CELSR1: variants seen among roughly 807,000 people sequenced by gnomAD.
The protein encoded by CELSR1 is adhesion G protein-coupled receptor C1.
CELSR1 carries 110 observed loss-of-function variants against 249.1 expected under a neutral mutation model. The observed-to-expected ratio is 0.44, with a 90% CI of 0.38 to 0.52. The LOEUF (loss-of-function observed/expected upper bound fraction) is 0.52. Ranked by LOEUF, CELSR1 falls within the 20% of genes least tolerant of loss-of-function variation. CELSR1 has a pLI of 0.00. For missense variants in CELSR1, 4,109 were observed against 4,296.4 expected (o/e 0.96, Z 1.22); for synonymous variants, 2,113 against 1,900.0 (o/e 1.11, Z -2.92).
At chr22:46,435,154 A>G (rs941474855) in intron 4 of CELSR1, among the ~76,000 whole-genome samples, 1 of 149,736 alleles carries the variant, frequency 6.7e-6, no homozygotes, top group African/African-American at 2.5e-5. Flanking sequence ...GTCTCGCTAT[A>G]TTGCCCAGGC....
Position 46,464,044 on chromosome 22 carries a change from C to T in CELSR1, c.3846G>A (p.Glu1282=). Residue 1282 remains glutamate (E), a synonymous_variant, in exon 2 of 35, where the codon GAG becomes GAA. Coordinates refer to ENST00000674500, the MANE Select transcript of CELSR1 (RefSeq NM_001378328.1). This position sits in a 1 kb window ranked among gnomAD's most constrained non-coding sequence, Gnocchi z 8.5. ...GQFFPSEDLQ[E]QIYLNRTLLT... Reference sequence around the variant, plus strand: ...GCAGCGTCCGATTCAGGTAGATCTGCTCCTGCAGGTCCTCCGACGGGAAGA... The same window carrying T: ...GCAGCGTCCGATTCAGGTAGATCTGTTCCTGCAGGTCCTCCGACGGGAAGA... 6.2e-7 allele frequency: 1 copy of T among 1,613,822 alleles called. No homozygotes were observed. The highest frequency in any genetic ancestry group is 1.1e-5 in the South Asian group (1 of 91,088).
intron 1 of CELSR1, among the ~76,000 whole-genome samples, chr22:46,489,057 C>A (rs925259732): frequency 6.6e-6 from 1 of 152,134 alleles, no homozygotes; most frequent in Non-Finnish European, 1.5e-5. Context: ...CATGGCAGGG[C>A]AGGGCCACCT....
rs531906734 is a variant in CELSR1 at position 46,490,249 on chromosome 22, A to G, written c.3545-25904T>C. ...TCATGAGACAGGAGCCAAAAGAGGG[A>G]TTCCCCAGGGTCACCTGGAGAGGTT... On this transcript the variant is annotated intron_variant, in intron 1 of 34. Transcript: ENST00000674500. This position sits in a 1 kb window ranked among gnomAD's most constrained non-coding sequence, Gnocchi z 5.2. Among the ~76,000 whole-genome samples, 3 of 152,122 alleles carry G rather than the reference A, an allele frequency of 2.0e-5. No homozygotes were observed. Among genetic ancestry groups the G allele is most frequent in the Non-Finnish European group, 4.4e-5 (3 of 68,020 alleles).
rs2080735292 is a variant in CELSR1 at position 46,526,032 on chromosome 22, T to C, written c.3544+7595A>G. On this transcript the variant is annotated intron_variant, in intron 1 of 34. Transcript: ENST00000674500. The surrounding 1 kb of genome is among the most constrained non-coding windows in gnomAD (Gnocchi z 4.7). The stretch of plus-strand genomic sequence containing the variant: ...TTTTAAAAATGGTCTCTCAACACCC[T>C]GGTCGGTACATGGGGCCAGACATAG... Among the ~76,000 whole-genome samples, 1 of 152,220 alleles carries C rather than the reference T, an allele frequency of 6.6e-6. No individual in the cohort carries two copies. The highest frequency in any genetic ancestry group is 1.5e-5 in the Non-Finnish European group (1 of 68,020).
At position 46,496,404 on chromosome 22, in the gene CELSR1, C is replaced by T. The variant is rs547615817; in HGVS notation, c.3545-32059G>A. 2.6e-5 allele frequency among the ~76,000 whole-genome samples: 4 copies of T among 152,100 alleles called. No individual in the cohort carries two copies. The East Asian group carries it at 7.7e-4, about 29-fold the overall frequency. On this transcript the variant is annotated intron_variant, in intron 1 of 34. Transcript: ENST00000674500. ...CCAACATGGTGAAACCCTGTCTCTA[C>T]TAAAAACACAAAAACTAGCCTGGTG...
chr22:46,365,092 C>T, intron 32 of CELSR1, 139 bp downstream of exon 32: 1 of 1,248,324 alleles, frequency 8.0e-7, no homozygotes, highest in Non-Finnish European at 1.1e-6. Flanking sequence ...ACCAGAGTCC[C>T]CCCACCCCAG....
chr22:46,394,928 T>C (rs1044929091), intron 13 of CELSR1, among the ~76,000 whole-genome samples: 1 of 152,122 alleles, frequency 6.6e-6, no homozygotes, highest in Admixed American at 6.5e-5. Flanking sequence ...TGCATGAGTC[T>C]CCCTACCTGT....
chr22:46,536,347 C>T lies in CELSR1; in HGVS notation c.824G>A (p.Gly275Asp), dbSNP rs554999434. ...GTAATAGCTCACGCGCTCCTCCTCG[C>T]CCTCGATGGTGTAGTGCGCGTGCAG... Reference protein sequence around the residue: ...LQLHAHYTIEGEEERVSYYME... With the variant: ...LQLHAHYTIEDEEERVSYYME... Residue 275 changes from glycine to aspartate, a missense_variant, in exon 1 of 35, where the codon GGC (glycine) becomes GAC (aspartate). Around this residue, in one of 7 missense-constraint regions of CELSR1, gnomAD observed 673 missense variants for 636.8 expected, o/e 1.06. Coordinates refer to ENST00000674500, the MANE Select transcript of CELSR1 (RefSeq NM_001378328.1). 2.1e-5 allele frequency: 34 copies of T among 1,612,716 alleles called. 2 individuals are homozygous for T. In the Admixed American group the frequency reaches 4.2e-4, roughly 20 times the overall value.
chr22:46,500,391 C>T lies in CELSR1; in HGVS notation c.3544+33236G>A, dbSNP rs546696158. On this transcript the variant is annotated intron_variant, in intron 1 of 34. Transcript: ENST00000674500. The surrounding 1 kb of genome is among the most constrained non-coding windows in gnomAD (Gnocchi z 4.9). ...CATGGCGCAGAGATCACATTTACAG[C>T]GGTGGCGGTAACCATGGAAACTGGC... Among the ~76,000 whole-genome samples, 16 of 152,298 alleles carry T rather than the reference C, an allele frequency of 1.1e-4. No individual in the cohort carries two copies. Among genetic ancestry groups the T allele is most frequent in the South Asian group, 4.1e-4 (2 of 4,828 alleles).
rs55932520 is a variant in CELSR1, at chr22:46,474,788, CTTTT to C, written c.3545-10447_3545-10444del. Among the ~76,000 whole-genome samples the C allele has an allele frequency of 8.9e-5, 8 of 89,636 alleles. No homozygotes were observed. The East Asian group carries it at 1.6e-3, about 18-fold the overall frequency. The allele number at this position is 89,636 out of a possible 152,430, so 58.8% of individuals were successfully genotyped here. ...GTGACCATTATTCTACTCTCTACTT[CTTTT>C]TTTTTTTTTTTTTTGAGACGGAGTC... is the stretch of plus-strand genomic sequence containing the variant. On this transcript the variant is annotated intron_variant, in intron 1 of 34. Coordinates refer to ENST00000674500, the MANE Select transcript of CELSR1 (RefSeq NM_001378328.1).
chr22:46,534,572 T>A lies in CELSR1; in HGVS notation c.2599A>T (p.Asn867Tyr). Residue 867 changes from asparagine (N) to tyrosine (Y), a missense_variant, in exon 1 of 35, where the codon AAC becomes TAC. Physicochemically the swap from Asn to Tyr is moderately radical, Grantham distance 143 (BLOSUM62 -2). Around this residue, in one of 7 missense-constraint regions of CELSR1, gnomAD observed 886 missense variants for 896.5 expected, o/e 0.99. Transcript: ENST00000674500. This position sits in a 1 kb window ranked among gnomAD's most constrained non-coding sequence, Gnocchi z 9.7. ...AYTLTIMAQD[N>Y]GIPQKSDTTT... ...GTGTCTGATTTCTGCGGGATGCCGT[T>A]GTCCTGGGCCATGATGGTCAGCGTG... 1 of 1,613,782 alleles carries A rather than the reference T, an allele frequency of 6.2e-7. No individual in the cohort carries two copies. The highest frequency in any genetic ancestry group is 8.5e-7 in the Non-Finnish European group (1 of 1,180,042).
rs2078961133 is a variant in CELSR1, at chr22:46,380,107, A to AC, written c.7256+680dup. ...CTGGCTCCCAGCAGACGGGAGCCAC[A>AC]CTGTGGTGCTGAATCCAGTCTCACG... On this transcript the variant is annotated intron_variant, in intron 22 of 34. Transcript: ENST00000674500. This position sits in a 1 kb window ranked among gnomAD's most constrained non-coding sequence, Gnocchi z 5.1. Among the ~76,000 whole-genome samples, 3 of 152,318 alleles carry AC rather than the reference A, an allele frequency of 2.0e-5. No individual in the cohort carries two copies. The South Asian group carries it at 6.2e-4, about 32-fold the overall frequency.
At chr22:46,385,326 G>A (rs999236896) in intron 19 of CELSR1, among the ~76,000 whole-genome samples, 8 of 151,934 alleles carry the variant, frequency 5.3e-5, no homozygotes. Flanking sequence ...CGAACTCCTG[G>A]GCTCAAGCAA....
At chr22:46,424,354 C>A (rs1245989414) in intron 5 of CELSR1, among the ~76,000 whole-genome samples, 1 of 152,154 alleles carries the variant, frequency 6.6e-6, no homozygotes, top group Non-Finnish European at 1.5e-5. Flanking sequence ...GCTGGGGTTA[C>A]AGGCGTGAGC....
rs960440670 is a variant in CELSR1, at chr22:46,517,891, C to T, written c.3544+15736G>A. On this transcript the variant is annotated intron_variant, in intron 1 of 34. Coordinates refer to ENST00000674500, the MANE Select transcript of CELSR1 (RefSeq NM_001378328.1). This position sits in a 1 kb window ranked among gnomAD's most constrained non-coding sequence, Gnocchi z 5.4. ...TATTCTGTTTATTACACACCTCCCA[C>T]GGTGTCCCCTTCCTTTTTTTTTTTT... 7.3e-6 allele frequency among the ~76,000 whole-genome samples: 1 copy of T among 137,198 alleles called. No individual in the cohort carries two copies. Among genetic ancestry groups the T allele is most frequent in the Non-Finnish European group, 1.5e-5 (1 of 64,980 alleles). 90.0% of individuals were successfully genotyped at this position (137,198 alleles called of 152,430 possible).
rs183118036 is a variant in CELSR1 at position 46,455,283 on chromosome 22, G to A, written c.4183+8424C>T. Among the ~76,000 whole-genome samples the A allele has an allele frequency of 2.5e-3, 385 of 152,308 alleles. 2 individuals are homozygous for A. The highest frequency in any genetic ancestry group is 4.1e-3 in the Admixed American group (62 of 15,298). On this transcript the variant is annotated intron_variant, in intron 2 of 34. Coordinates refer to ENST00000674500, the MANE Select transcript of CELSR1 (RefSeq NM_001378328.1). ...CTCGCTCTGTCGCCCAGGCTGGAGT[G>A]CAGTGGCGCCATCTCGGCTCACTGT... is the stretch of plus-strand genomic sequence containing the variant.
chr22:46,485,394 T>C (rs540713811), intron 1 of CELSR1, among the ~76,000 whole-genome samples: 1 of 152,208 alleles, frequency 6.6e-6, no homozygotes, highest in Non-Finnish European at 1.5e-5. Context: ...TCCCTGAGGC[T>C]AATGAGCTGG....
chr22:46,510,757 A>G (rs372019793), intron 1 of CELSR1, among the ~76,000 whole-genome samples: 75 of 152,304 alleles, frequency 4.9e-4, no homozygotes, highest in African/African-American at 1.6e-3. Flanking sequence ...AACAAACCAA[A>G]AATATTCCTA....
At chr22:46,392,285 T>C (rs2079101777) in intron 14 of CELSR1, among the ~76,000 whole-genome samples, 1 of 152,192 alleles carries the variant, frequency 6.6e-6, no homozygotes, top group African/African-American at 2.4e-5. Context: ...GTTTACCAGC[T>C]ACATTGCCTG....
Sources: allele counts gnomAD v4.1 joint callset (sites outside exome capture counted in the v4.1 genomes callset), GRCh38; gene constraint gnomAD v4.1.1; regional missense constraint gnomAD v4.1.1; non-coding constraint Gnocchi (gnomAD v3.1); transcripts MANE v1.5; gene names NCBI Gene and HGNC (gene_info 2026-07-23, HGNC 2026-07-21).